SYNDIG1: variants seen among roughly 807,000 people sequenced by gnomAD.
SYNDIG1 encodes synapse differentiation-inducing gene protein 1.
SYNDIG1 carries 9 observed loss-of-function variants against 19.4 expected under a neutral mutation model. The ratio of observed to expected loss-of-function variants is 0.46; its 90% CI spans 0.28 to 0.81. SYNDIG1 has a LOEUF of 0.81. Among genes scored for constraint, SYNDIG1 ranks in the 30% least tolerant of loss-of-function variants. SYNDIG1 has a pLI of 0.12. For synonymous variants in SYNDIG1, 141 were observed against 145.9 expected (o/e 0.97, Z 0.24); for missense variants, 311 against 343.3 (o/e 0.91, Z 0.74).
chr20:24,641,314 G>T (rs2147339064), intron 3 of SYNDIG1, among the ~76,000 whole-genome samples: 1 of 152,208 alleles, frequency 6.6e-6, no homozygotes, highest in South Asian at 2.1e-4. Flanking sequence ...GATGGATGGA[G>T]AGTTGGGTAG....
intron 1 of SYNDIG1, among the ~76,000 whole-genome samples, chr20:24,521,115 G>A (rs1486383815): frequency 2.0e-5 from 3 of 152,174 alleles, no homozygotes; most frequent in East Asian, 1.9e-4. Flanking sequence ...TTGTCTTCAA[G>A]GGTCATCCAT....
rs371788113 is a variant in SYNDIG1, at chr20:24,665,536, G to A, written c.*32G>A. 7 of 1,613,300 alleles carry A rather than the reference G, an allele frequency of 4.3e-6. No homozygotes were observed. The highest frequency in any genetic ancestry group is 2.2e-5 in the South Asian group (2 of 90,994). ...TGCGAATGGAGGGGGAGCACCCGGG[G>A]CCAGGTCTGTGTGGACGTGGAGGAA... On this transcript the variant is annotated 3_prime_UTR_variant, in exon 4 of 4. Coordinates refer to ENST00000376862, the MANE Select transcript of SYNDIG1 (RefSeq NM_024893.3).
At chr20:24,473,929 C>T (rs2055544406) in intron 1 of SYNDIG1, among the ~76,000 whole-genome samples, 1 of 152,120 alleles carries the variant, frequency 6.6e-6, no homozygotes, top group Admixed American at 6.5e-5. Flanking sequence ...TAAGATCATT[C>T]AACTAGCAAG....
intron 1 of SYNDIG1, 108 bp from the exon 2 acceptor site, chr20:24,542,912 T>A (rs1568625727): frequency 3.7e-6 from 3 of 801,580 alleles, no homozygotes; most frequent in African/African-American, 1.7e-5. Flanking sequence ...TCACAGTTAC[T>A]ATGCGTTTAT....
At chr20:24,647,482 T>G (rs1324888224) in intron 3 of SYNDIG1, among the ~76,000 whole-genome samples, 11 of 151,992 alleles carry the variant, frequency 7.2e-5, no homozygotes, top group Admixed American at 7.2e-4. Flanking sequence ...ACACTTTCTT[T>G]GGGAAGGGGA....
At chr20:24,602,785 T>C (rs948709871) in intron 3 of SYNDIG1, among the ~76,000 whole-genome samples, 2 of 152,262 alleles carry the variant, frequency 1.3e-5, no homozygotes, top group Non-Finnish European at 2.9e-5. Context: ...TCTGGCATTA[T>C]TAGAAGCAGA....
chr20:24,475,793 G>A (rs553097120), intron 1 of SYNDIG1, among the ~76,000 whole-genome samples: 67 of 151,882 alleles, frequency 4.4e-4, no homozygotes, highest in Non-Finnish European at 7.8e-4. Flanking sequence ...ATTCCTCACC[G>A]TTTCCATAGT....
At chr20:24,560,739 C>A (rs2057927276) in intron 2 of SYNDIG1, among the ~76,000 whole-genome samples, 1 of 125,538 alleles carries the variant, frequency 8.0e-6, no homozygotes, top group African/African-American at 3.1e-5. Flanking sequence ...GTCATGCTTT[C>A]CTGTTTCTAT....
chr20:24,518,864 G>A (rs1418606506), intron 1 of SYNDIG1, among the ~76,000 whole-genome samples: 2 of 152,210 alleles, frequency 1.3e-5, no homozygotes, highest in African/African-American at 2.4e-5. Flanking sequence ...TGACAACAAC[G>A]AGGACCATCA....
intron 1 of SYNDIG1, among the ~76,000 whole-genome samples, chr20:24,471,981 A>C (rs2055479535): frequency 6.6e-6 from 1 of 152,212 alleles, no homozygotes; most frequent in Non-Finnish European, 1.5e-5. Context: ...AATCACTTTG[A>C]TGTAAACTTC....
intron 1 of SYNDIG1, among the ~76,000 whole-genome samples, chr20:24,485,045 C>A (rs954896781): frequency 6.6e-6 from 1 of 152,108 alleles, no homozygotes. Flanking sequence ...TGGTCTCTTT[C>A]CCTGCGTTTA....
At chr20:24,570,315 AT>A (rs2058121413) in intron 2 of SYNDIG1, among the ~76,000 whole-genome samples, 1 of 152,254 alleles carries the variant, frequency 6.6e-6, no homozygotes, top group Admixed American at 6.5e-5. Context: ...CTTAATCAAA[AT>A]TAAAAACTTT....
At chr20:24,472,303 G>A (rs944686399) in intron 1 of SYNDIG1, among the ~76,000 whole-genome samples, 3 of 152,280 alleles carry the variant, frequency 2.0e-5, no homozygotes, top group East Asian at 1.9e-4. Context: ...CATGAAGGGC[G>A]TGAACACGAT....
At chr20:24,521,792 C>T (rs980555214) in intron 1 of SYNDIG1, among the ~76,000 whole-genome samples, 1 of 150,872 alleles carries the variant, frequency 6.6e-6, no homozygotes, top group Non-Finnish European at 1.5e-5. Context: ...CCCAGCTACT[C>T]GGGAGGCTGA....
intron 3 of SYNDIG1, among the ~76,000 whole-genome samples, chr20:24,632,123 G>C (rs2059252884): frequency 1.3e-5 from 2 of 152,248 alleles, no homozygotes; most frequent in Admixed American, 1.3e-4. Flanking sequence ...CTGTGGAAGT[G>C]GGGGCTGTGG....
At chr20:24,525,419 G>A (rs147386249) in intron 1 of SYNDIG1, among the ~76,000 whole-genome samples, 2,188 of 151,520 alleles carry the variant, frequency 0.014, 34 homozygotes, top group East Asian at 0.028. Flanking sequence ...CGAGTAGCTG[G>A]AATTACAGGC....
intron 3 of SYNDIG1, among the ~76,000 whole-genome samples, chr20:24,627,764 T>C (rs1440830520): frequency 6.6e-6 from 1 of 152,226 alleles, no homozygotes; most frequent in Non-Finnish European, 1.5e-5. Context: ...GATTACAGGG[T>C]CCCACTGCCA....
intron 3 of SYNDIG1, among the ~76,000 whole-genome samples, chr20:24,638,112 C>T (rs970259877): frequency 2.0e-5 from 3 of 152,304 alleles, no homozygotes; most frequent in East Asian, 1.9e-4. Context: ...CCAAGTGAAG[C>T]GGGCACGGCT....
chr20:24,553,278 G>C (rs1045582432), intron 2 of SYNDIG1, among the ~76,000 whole-genome samples: 2 of 152,060 alleles, frequency 1.3e-5, no homozygotes, highest in African/African-American at 4.8e-5. Flanking sequence ...CACTCTGATG[G>C]TAGTTTCTTT....
Sources: allele counts gnomAD v4.1 joint callset (sites outside exome capture counted in the v4.1 genomes callset), GRCh38; gene constraint gnomAD v4.1.1; transcripts MANE v1.5; gene names NCBI Gene and HGNC (gene_info 2026-07-23, HGNC 2026-07-21).